Variants in PCDHAC2 observed in about 807,000 individuals in gnomAD.
PCDHAC2 encodes protocadherin alpha subfamily C, 2, also known as protocadherin alpha-C2.
Under a neutral mutation model 63.3 loss-of-function variants are expected in PCDHAC2, and 24 were observed. The observed-to-expected ratio is 0.38, with a 90% CI of 0.27 to 0.53. The LOEUF (loss-of-function observed/expected upper bound fraction) is 0.53, where lower values mean the gene tolerates loss of function less well. PCDHAC2 is among the 20% of genes least tolerant of loss of function. The pLI is 0.81. For synonymous variants in PCDHAC2, 569 were observed against 529.4 expected (o/e 1.07, Z -1.03); for missense variants, 1,181 against 1,275.2 (o/e 0.93, Z 1.12).
intron 1 of PCDHAC2, among the ~76,000 whole-genome samples, chr5:140,973,915 A>T (rs1401328396): frequency 2.0e-5 from 3 of 152,242 alleles, no homozygotes; most frequent in African/African-American, 7.2e-5. Context: ...CATTCCTGTC[A>T]CCAAACCCAG....
At chr5:141,004,412 A>G (rs2098165544) in intron 3 of PCDHAC2, among the ~76,000 whole-genome samples, 1 of 152,164 alleles carries the variant, frequency 6.6e-6, no homozygotes, top group South Asian at 2.1e-4. Flanking sequence ...ACCTGACTAG[A>G]TCTCTGCCTC....
chr5:141,003,343 GCT>G (rs1554259027), intron 3 of PCDHAC2, among the ~76,000 whole-genome samples: 1 of 152,198 alleles, frequency 6.6e-6, no homozygotes, highest in Non-Finnish European at 1.5e-5. Context: ...TTGTTTGTTT[GCT>G]CTGTCACCCA....
intron 1 of PCDHAC2, among the ~76,000 whole-genome samples, chr5:140,973,831 C>T (rs1212841510): frequency 1.3e-5 from 2 of 152,214 alleles, no homozygotes; most frequent in African/African-American, 4.8e-5. Flanking sequence ...GTTCTGGGTA[C>T]TTGCTTGTTG....
chr5:141,002,853 G>C (rs781830862), intron 3 of PCDHAC2, among the ~76,000 whole-genome samples: 1 of 152,184 alleles, frequency 6.6e-6, no homozygotes, highest in Non-Finnish European at 1.5e-5. Context: ...ACTAGTGAGA[G>C]AACCAGGGCA....
chr5:140,992,681 G>A (rs575311513), intron 3 of PCDHAC2, among the ~76,000 whole-genome samples: 2 of 152,286 alleles, frequency 1.3e-5, no homozygotes, highest in South Asian at 4.2e-4. Flanking sequence ...TGTGTGTTAG[G>A]GGTTGAGGGG....
intron 3 of PCDHAC2, among the ~76,000 whole-genome samples, chr5:140,998,057 A>G (rs2097795221): frequency 1.3e-5 from 2 of 152,294 alleles, no homozygotes; most frequent in South Asian, 4.1e-4. Flanking sequence ...TGACATCATC[A>G]TCAACAGACT....
At chr5:140,978,924 GA>G (rs781894146) in intron 1 of PCDHAC2, 24 bp from the exon 2 acceptor site, 202 of 1,613,894 alleles carry the variant, frequency 1.3e-4, no homozygotes, top group Middle Eastern at 6.6e-4. Context: ...CATTTTAACA[GA>G]AAACTCTCTT....
chr5:140,973,391 A>G (rs1466546487), intron 1 of PCDHAC2, among the ~76,000 whole-genome samples: 1 of 152,232 alleles, frequency 6.6e-6, no homozygotes, highest in East Asian at 1.9e-4. Context: ...AGACAAAGAA[A>G]TCATATCTAT....
intron 1 of PCDHAC2, 185 bp downstream of exon 1, chr5:140,969,516 A>G: frequency 1.4e-6 from 2 of 1,410,726 alleles, no homozygotes; most frequent in Non-Finnish European, 1.9e-6. Flanking sequence ...GCACTAAAGA[A>G]TTGTTTTATT....
At chr5:140,971,462 A>G (rs1554233357) in intron 1 of PCDHAC2, among the ~76,000 whole-genome samples, 1 of 152,184 alleles carries the variant, frequency 6.6e-6, no homozygotes, top group African/African-American at 2.4e-5. Flanking sequence ...TTTTGCAGTT[A>G]TAGGGAGAGA....
intron 3 of PCDHAC2, among the ~76,000 whole-genome samples, chr5:140,983,909 C>G (rs2097076070): frequency 6.6e-6 from 1 of 152,226 alleles, no homozygotes. Flanking sequence ...TGATTCTAAT[C>G]AGCCAGGATT....
intron 3 of PCDHAC2, among the ~76,000 whole-genome samples, chr5:141,007,590 GATA>G (rs1332143320): frequency 4.0e-5 from 6 of 151,858 alleles, no homozygotes; most frequent in Non-Finnish European, 8.8e-5. Context: ...TAATAATCAT[GATA>G]ATAATAAAAG....
rs782116961 is a variant in PCDHAC2, at chr5:140,966,933, C to T, written c.167C>T (p.Ala56Val). The change falls in exon 1 of 4, where the codon GCG becomes GTG. Residue 56 changes from alanine (A) to valine (V), a missense_variant. Physicochemically the swap from Ala to Val is moderately conservative, Grantham distance 64. Transcript: ENST00000289269. ...GTGCCAGAGGAGCAGGCACCCGGCGCGCTCGTGGGCAACGTGGCTCGCGCG... is the reference window on the plus strand; with the variant it reads ...GTGCCAGAGGAGCAGGCACCCGGCGTGCTCGTGGGCAACGTGGCTCGCGCG... ...YSVPEEQAPG[A>V]LVGNVARALG... 2.5e-6 allele frequency: 4 copies of T among 1,603,904 alleles called. No individual in the cohort carries two copies. The highest frequency in any genetic ancestry group is 1.1e-5 in the South Asian group (1 of 90,778).
At chr5:140,985,227 G>A (rs557750656) in intron 3 of PCDHAC2, among the ~76,000 whole-genome samples, 5 of 152,206 alleles carry the variant, frequency 3.3e-5, no homozygotes, top group Non-Finnish European at 2.9e-5. Flanking sequence ...GTGAGCCACC[G>A]CGCCTGGCCT....
intron 1 of PCDHAC2, among the ~76,000 whole-genome samples, chr5:140,975,784 A>T (rs1216156931): frequency 1.3e-5 from 2 of 151,914 alleles, no homozygotes; most frequent in African/African-American, 4.8e-5. Flanking sequence ...CCATTACAAG[A>T]TAAATTAAAT....
At chr5:140,978,597 A>G (rs897045455) in intron 1 of PCDHAC2, among the ~76,000 whole-genome samples, 1 of 152,234 alleles carries the variant, frequency 6.6e-6, no homozygotes, top group Non-Finnish European at 1.5e-5. Flanking sequence ...TTAATGGGGC[A>G]CTTGAGGGCA....
intron 1 of PCDHAC2, 41 bp from the exon 2 acceptor site, chr5:140,978,908 T>C: frequency 6.2e-7 from 1 of 1,613,772 alleles, no homozygotes; most frequent in Non-Finnish European, 8.5e-7. Context: ...GAGAACATTG[T>C]CTTGTCATTT....
chr5:141,010,432 C>CA lies in PCDHAC2; in HGVS notation c.*498dup. ...AATTGGTACAAGGAAGGCAAGAAAA[C>CA]AAAGACAAATAAACAGCGGAAGTTA... On this transcript the variant is annotated 3_prime_UTR_variant, in exon 4 of 4. Transcript: ENST00000289269. 2.8e-6 allele frequency: 3 copies of CA among 1,056,970 alleles called. No homozygotes were observed. The highest frequency in any genetic ancestry group is 4.0e-6 in the Non-Finnish European group (3 of 756,282). The allele number at this position is 1,056,970 out of a possible 1,614,324, so 65.5% of individuals were successfully genotyped here.
intron 1 of PCDHAC2, among the ~76,000 whole-genome samples, chr5:140,978,417 A>G (rs2096800848): frequency 6.6e-6 from 1 of 152,158 alleles, no homozygotes. Context: ...CAGAAAAGAG[A>G]CTGTTATCAG....
Sources: allele counts gnomAD v4.1 joint callset (sites outside exome capture counted in the v4.1 genomes callset), GRCh38; gene constraint gnomAD v4.1.1; transcripts MANE v1.5; gene names NCBI Gene and HGNC (gene_info 2026-07-23, HGNC 2026-07-21).